SUPV3L1: variants seen among roughly 807,000 people sequenced by gnomAD.
SUPV3L1 encodes the protein Suv3 like RNA helicase, also known as ATP-dependent RNA helicase SUPV3L1, mitochondrial.
A neutral mutation model predicts 70.0 loss-of-function variants in SUPV3L1; 35 were observed. The ratio of observed to expected loss-of-function variants is 0.50; its 90% CI spans 0.38 to 0.66. The LOEUF (loss-of-function observed/expected upper bound fraction) is 0.66, where lower values mean the gene tolerates loss of function less well. Ranked by LOEUF, SUPV3L1 falls within the 30% of genes least tolerant of loss-of-function variation. The probability of loss-of-function intolerance (pLI) is 0.00; values close to 1 mark genes in which losing one functional copy is unlikely to be tolerated. For synonymous variants in SUPV3L1, 364 were observed against 341.9 expected, an observed-to-expected ratio of 1.06 and a Z score of -0.71; for missense variants, 777 against 961.5, an observed-to-expected ratio of 0.81 and a Z score of 2.54.
chr10:69,206,014 ATG>A (rs1842819528), intron 13 of SUPV3L1, among the ~76,000 whole-genome samples: 1 of 13,190 alleles, frequency 7.6e-5, no homozygotes, highest in Non-Finnish European at 1.1e-3. Flanking sequence ...CAGCTGCTGG[ATG>A]GATGGATGGA....
intron 6 of SUPV3L1, 140 bp downstream of exon 6, chr10:69,191,906 A>G: frequency 1.9e-6 from 1 of 539,670 alleles, no homozygotes; most frequent in South Asian, 2.7e-5. Flanking sequence ...TCCCCAGTTC[A>G]AGCGATTCTC....
In SUPV3L1 at chr10:69,180,563, G is replaced by A; in HGVS notation, c.271+1G>A. The A allele has an allele frequency of 6.2e-7, 1 of 1,613,680 alleles. No homozygotes were observed. The highest frequency in any genetic ancestry group is 8.5e-7 in the Non-Finnish European group (1 of 1,179,934). On this transcript the variant is annotated splice_donor_variant, in intron 1 of 14. Transcript: ENST00000359655. LOFTEE classifies it high-confidence loss of function. ...GAGCTAACCCGGCCTCTGGACAAGA[G>A]TGAGTGCGGGAACTACTGAGGGCGG... is the stretch of plus-strand genomic sequence containing the variant.
chr10:69,182,428 A>G (rs1446207018), intron 1 of SUPV3L1: 6 of 755,496 alleles, frequency 7.9e-6, no homozygotes, highest in Admixed American at 6.3e-5. Flanking sequence ...ACAATTTTCC[A>G]TTATTTTATA....
chr10:69,195,044 A>C (rs965115095), intron 6 of SUPV3L1, 144 bp from the exon 7 acceptor site: 14 of 572,260 alleles, frequency 2.4e-5, no homozygotes, highest in Non-Finnish European at 3.3e-5. Flanking sequence ...GAGGTAAAAC[A>C]CTTAGAACAA....
Position 69,181,639 on chromosome 10 carries a change from G to A in SUPV3L1, c.271+1077G>A, listed in dbSNP as rs927252641. Among the ~76,000 whole-genome samples, 11 of 152,290 alleles carry A rather than the reference G, an allele frequency of 7.2e-5. No individual in the cohort carries two copies. In the South Asian group the frequency reaches 1.9e-3, roughly 26 times the overall value. On this transcript the variant is annotated intron_variant, in intron 1 of 14. Coordinates refer to ENST00000359655, the MANE Select transcript of SUPV3L1 (RefSeq NM_003171.5). ...TATTTGACTCATGGTTCTGAGCCGG[G>A]ATCTGATGAGGGCCTTTGGCTGCAT...
chr10:69,200,429 T>C lies in SUPV3L1; in HGVS notation c.1448T>C (p.Val483Ala), dbSNP rs1299254757. Residue 483 changes from valine (V) to alanine (A), a missense_variant, in exon 11 of 15, where the codon GTT becomes GCT. Physicochemically the swap from Val to Ala is moderately conservative, Grantham distance 64 (BLOSUM62 0). Transcript: ENST00000359655. The part of the protein sequence containing the change: ...RFSSRFKEGE[V>A]TTMNHEDLSL... ...AGCTCACGGTTTAAAGAAGGAGAGG[T>C]TACAACAATGAATCATGAAGATCTC... The C allele has an allele frequency of 3.7e-6, 6 of 1,614,002 alleles. No homozygotes were observed. The highest frequency in any genetic ancestry group is 5.1e-6 in the Non-Finnish European group (6 of 1,179,998).
At chr10:69,184,011 A>G (rs1364764274) in intron 1 of SUPV3L1, among the ~76,000 whole-genome samples, 1 of 152,020 alleles carries the variant, frequency 6.6e-6, no homozygotes, top group Non-Finnish European at 1.5e-5. Flanking sequence ...TTTACTTAGC[A>G]TAATGAGAAA....
At chr10:69,200,571 C>G (rs1324555885) in intron 11 of SUPV3L1, 72 bp downstream of exon 11, 2 of 1,289,872 alleles carry the variant, frequency 1.6e-6, no homozygotes, top group Admixed American at 4.2e-5. Context: ...ACCATCCAGA[C>G]TCTCACCTCA....
chr10:69,198,419 A>G lies in SUPV3L1; in HGVS notation c.1071A>G (p.Ala357=), dbSNP rs140012380. 6.2e-7 allele frequency: 1 copy of G among 1,613,910 alleles called. No individual in the cohort carries two copies. The highest frequency in any genetic ancestry group is 8.5e-7 in the Non-Finnish European group (1 of 1,179,992). Residue 357 remains alanine (A), a synonymous_variant, in exon 9 of 15, where the codon GCA becomes GCG. Transcript: ENST00000359655. ...RLTPISVLDH[A]LESLDNLRPG... ...CCCCCATTTCTGTGCTGGACCATGC[A>G]CTAGAATCTTTAGATAACCTTCGGC...
At chr10:69,206,488 AG>A (rs1377285503) in intron 13 of SUPV3L1, among the ~76,000 whole-genome samples, 2 of 152,194 alleles carry the variant, frequency 1.3e-5, no homozygotes, top group Admixed American at 1.3e-4. Context: ...TCTGTAGTAC[AG>A]GTGATGTATA....
At position 69,197,945 on chromosome 10, in the gene SUPV3L1, G is replaced by A. The variant is rs149540194; in HGVS notation, c.1024-427G>A. ...GGAATATAGTGGAAGAAATTTTGGAGTCCATTCTGTGTTTTGCCATTCTTA... is the reference window on the plus strand; with the variant it reads ...GGAATATAGTGGAAGAAATTTTGGAATCCATTCTGTGTTTTGCCATTCTTA... On this transcript the variant is annotated intron_variant, in intron 8 of 14. Transcript: ENST00000359655. 9.5e-4 allele frequency among the ~76,000 whole-genome samples: 144 copies of A among 152,304 alleles called. 1 individual carries two copies. Among genetic ancestry groups the A allele is most frequent in the Admixed American group, 3.1e-3 (48 of 15,294 alleles).
intron 1 of SUPV3L1, among the ~76,000 whole-genome samples, chr10:69,185,504 CTTTT>C (rs35590294): frequency 1.4e-5 from 2 of 139,508 alleles, no homozygotes; most frequent in Non-Finnish European, 1.5e-5. Context: ...TCATTTTTCT[CTTTT>C]TTTTTTTTTT....
At position 69,209,057 on chromosome 10, in the gene SUPV3L1, T is replaced by A. The variant is rs768888511; in HGVS notation, c.*22T>A. 1.3e-6 allele frequency: 2 copies of A among 1,522,568 alleles called. No individual in the cohort carries two copies. Among genetic ancestry groups the A allele is most frequent in the Admixed American group, 4.6e-5 (2 of 43,594 alleles). 94.3% of individuals were successfully genotyped at this position (1,522,568 alleles called of 1,614,324 possible). On this transcript the variant is annotated 3_prime_UTR_variant, in exon 15 of 15. Transcript: ENST00000359655. Reference sequence around the variant, plus strand: ...CTAGTTTTCTGTTCCTGTTTTTTTTTTTTTATTTAATTTTGCAAATAAAAA... The same window carrying A: ...CTAGTTTTCTGTTCCTGTTTTTTTTATTTTATTTAATTTTGCAAATAAAAA...
intron 3 of SUPV3L1, 48 bp from the exon 4 acceptor site, chr10:69,187,594 C>T (rs376735854): frequency 1.1e-4 from 154 of 1,347,562 alleles, no homozygotes; most frequent in Middle Eastern, 1.8e-4. Context: ...AATTTAGTTA[C>T]GAATTTTATG....
rs144568823 is a variant in SUPV3L1, at chr10:69,199,196, T to C, written c.1297T>C (p.Leu433=). The change falls in exon 10 of 15, where the codon TTG becomes CTG. Residue 433 remains leucine (L), a splice_region_variant and synonymous_variant. Transcript: ENST00000359655. The part of the protein sequence containing the change: ...ATDAIGMGLN[L]SIRRIIFYSL... ...AGATGCAATTGGCATGGGACTTAAT[T>C]TGTAAGTAATTTGTTTTTAATAAGA... The C allele has an allele frequency of 5.8e-4, 929 of 1,604,224 alleles. 2 individuals are homozygous for C. In the African/African-American group the frequency reaches 0.011, roughly 18 times the overall value.
At chr10:69,182,418 A>AGTTAC in intron 1 of SUPV3L1, 2 of 689,178 alleles carry the variant, frequency 2.9e-6, no homozygotes, top group Non-Finnish European at 1.8e-6. Flanking sequence ...CCATTAAAGA[A>AGTTAC]CAATTTTCCA....
chr10:69,185,242 T>C (rs1842186969), intron 1 of SUPV3L1, among the ~76,000 whole-genome samples: 1 of 152,214 alleles, frequency 6.6e-6, no homozygotes, highest in Non-Finnish European at 1.5e-5. Flanking sequence ...CTTTTATCCC[T>C]GAAATCATCA....
chr10:69,188,494 C>T (rs1396333256), intron 4 of SUPV3L1, among the ~76,000 whole-genome samples: 1 of 83,390 alleles, frequency 1.2e-5, no homozygotes, highest in Non-Finnish European at 3.1e-5. Context: ...CCACTTTGTA[C>T]TTGATTTTTT....
At chr10:69,202,664 C>G in intron 12 of SUPV3L1, 145 bp downstream of exon 12, 1 of 1,113,042 alleles carries the variant, frequency 9.0e-7, no homozygotes, top group South Asian at 1.7e-5. Flanking sequence ...AATTTTTTCT[C>G]AAAATCTTTT....
Sources: allele counts gnomAD v4.1 joint callset (sites outside exome capture counted in the v4.1 genomes callset), GRCh38; gene constraint gnomAD v4.1.1; transcripts MANE v1.5; gene names NCBI Gene and HGNC (gene_info 2026-07-23, HGNC 2026-07-21).